RELN: variants seen among roughly 807,000 people sequenced by gnomAD.
The protein encoded by RELN is reelin.
A neutral mutation model predicts 427.6 loss-of-function variants in RELN; 108 were observed. That is an observed-to-expected ratio of 0.25 (90% CI 0.22 to 0.30). The LOEUF is 0.30. Among genes scored for constraint, RELN ranks in the 10% least tolerant of loss-of-function variants. The probability of loss-of-function intolerance (pLI) is 1.00; values close to 1 mark genes in which losing one functional copy is unlikely to be tolerated. For missense variants in RELN, 3,715 were observed against 4,302.8 expected, an observed-to-expected ratio of 0.86 and a Z score of 3.82; for synonymous variants, 1,524 against 1,513.4, an observed-to-expected ratio of 1.01 and a Z score of -0.16.
intron 63 of RELN, 200 bp from the exon 64 acceptor site, chr7:103,478,594 A>G (rs1382952270): frequency 5.3e-6 from 3 of 563,682 alleles, no homozygotes; most frequent in Non-Finnish European, 9.5e-6. Context: ...ATACTTTTCT[A>G]TGTAATGTAA....
chr7:103,973,313 A>C (rs893445451), intron 1 of RELN, among the ~76,000 whole-genome samples: 1 of 152,248 alleles, frequency 6.6e-6, no homozygotes, highest in African/African-American at 2.4e-5. Flanking sequence ...AACATAAACA[A>C]GTGAGATAAG....
chr7:103,776,462 A>G, intron 4 of RELN, 95 bp downstream of exon 4: 2 of 1,237,484 alleles, frequency 1.6e-6, no homozygotes, highest in Non-Finnish European at 2.4e-6. Flanking sequence ...CTTACGATTA[A>G]GTAATCATAA....
Position 103,539,209 on chromosome 7 carries a change from G to A in RELN, c.7049C>T (p.Thr2350Ile), listed in dbSNP as rs1311994072. 6.2e-7 allele frequency: 1 copy of A among 1,614,148 alleles called. No individual in the cohort carries two copies. The highest frequency in any genetic ancestry group is 2.2e-5 in the East Asian group (1 of 44,892). Reference protein sequence around the residue: ...GGTKMPVCGSTGDALVFIEKA... With the variant: ...GGTKMPVCGSIGDALVFIEKA... ...TTCAATGAAGACCAGGGCATCACCAGTAGAGCCACACACGGGCATCTTGGT... is the reference window on the plus strand; with the variant it reads ...TTCAATGAAGACCAGGGCATCACCAATAGAGCCACACACGGGCATCTTGGT... The change falls in exon 45 of 65, where the codon ACT becomes ATT. Residue 2350 changes from threonine (T) to isoleucine (I), a missense_variant. Transcript: ENST00000428762.
At chr7:103,785,525 A>G (rs955822131) in intron 3 of RELN, among the ~76,000 whole-genome samples, 2 of 152,152 alleles carry the variant, frequency 1.3e-5, no homozygotes, top group Non-Finnish European at 2.9e-5. Flanking sequence ...ATGGGCATCC[A>G]TTACCTCCAT....
chr7:103,741,295 C>T lies in RELN; in HGVS notation c.656+8131G>A, dbSNP rs77936674. 2.9e-3 allele frequency among the ~76,000 whole-genome samples: 436 copies of T among 152,086 alleles called. 2 individuals are homozygous for T. Among genetic ancestry groups the T allele is most frequent in the South Asian group, 0.012 (57 of 4,824 alleles). ...AGTTTACATTGACTTCTAAGGGGTT[C>T]GAGACATCTAACACCTTATTTTTCC... On this transcript the variant is annotated intron_variant, in intron 6 of 64. Coordinates refer to ENST00000428762, the MANE Select transcript of RELN (RefSeq NM_005045.4).
chr7:103,732,559 C>T (rs911823513), intron 6 of RELN, among the ~76,000 whole-genome samples: 2 of 152,020 alleles, frequency 1.3e-5, no homozygotes, highest in Non-Finnish European at 2.9e-5. Flanking sequence ...AAGGCAAGAC[C>T]GTACAGAAGG....
intron 38 of RELN, among the ~76,000 whole-genome samples, chr7:103,555,041 C>T (rs1830493710): frequency 1.3e-5 from 2 of 152,072 alleles, no homozygotes; most frequent in Admixed American, 6.6e-5. Context: ...TTCATATCTT[C>T]TATGTTGATC....
At chr7:103,647,100 T>A (rs1256528923) in intron 16 of RELN, among the ~76,000 whole-genome samples, 1 of 151,942 alleles carries the variant, frequency 6.6e-6, no homozygotes, top group African/African-American at 2.4e-5. Flanking sequence ...AAAGCCAACA[T>A]AATATGGAAT....
chr7:103,661,549 G>A (rs769959867), intron 11 of RELN, 22 bp from the exon 12 acceptor site: 1 of 1,609,802 alleles, frequency 6.2e-7, no homozygotes, highest in South Asian at 1.1e-5. Context: ...GGGGGATTAA[G>A]AGTTAGAGTT....
At chr7:103,836,237 G>A (rs1357192373) in intron 2 of RELN, among the ~76,000 whole-genome samples, 1 of 152,166 alleles carries the variant, frequency 6.6e-6, no homozygotes, top group Middle Eastern at 3.2e-3. Context: ...CAGGTTTACA[G>A]GCGTCAGCCA....
At chr7:103,795,180 G>A (rs1483589100) in intron 3 of RELN, among the ~76,000 whole-genome samples, 2 of 152,070 alleles carry the variant, frequency 1.3e-5, no homozygotes, top group African/African-American at 4.8e-5. Flanking sequence ...CATTGCTTTG[G>A]GCAAAAGAGA....
intron 41 of RELN, among the ~76,000 whole-genome samples, chr7:103,547,528 C>T (rs1408385613): frequency 6.6e-6 from 1 of 152,164 alleles, no homozygotes. Context: ...AAGTCCTGAC[C>T]TCAAGTGATC....
At chr7:103,727,468 G>C (rs1383486532) in intron 7 of RELN, among the ~76,000 whole-genome samples, 1 of 152,062 alleles carries the variant, frequency 6.6e-6, no homozygotes, top group African/African-American at 2.4e-5. Context: ...CCAAAAAAAG[G>C]CTCATTAGCC....
chr7:103,812,003 A>G (rs1792755257), intron 3 of RELN, among the ~76,000 whole-genome samples: 3 of 152,338 alleles, frequency 2.0e-5, no homozygotes, highest in African/African-American at 7.2e-5. Context: ...AGTTATTCAA[A>G]TGGCTTTGCC....
rs996638568 is a variant in RELN, at chr7:103,721,922, A to T, written c.805+1218T>A. 2.0e-5 allele frequency among the ~76,000 whole-genome samples: 3 copies of T among 152,320 alleles called. 1 individual carries two copies. Among genetic ancestry groups the T allele is most frequent in the Admixed American group, 6.5e-5 (1 of 15,288 alleles). On this transcript the variant is annotated intron_variant, in intron 8 of 64. Transcript: ENST00000428762. The stretch of plus-strand genomic sequence containing the variant: ...TGTTTTTGTAGCACCACAACTCTTT[A>T]AAAATAAAACTTTTTTTGATTATAA...
At chr7:103,523,943 CG>C in intron 46 of RELN, among the ~76,000 whole-genome samples, 1 of 152,262 alleles carries the variant, frequency 6.6e-6, no homozygotes, top group South Asian at 2.1e-4. Context: ...TCCCAAAGTG[CG>C]GGGATTACAG....
intron 2 of RELN, among the ~76,000 whole-genome samples, chr7:103,895,597 A>G (rs1038663438): frequency 1.3e-5 from 2 of 152,202 alleles, no homozygotes; most frequent in Non-Finnish European, 2.9e-5. Context: ...ATGCTACATC[A>G]TGAAAATGGT....
chr7:103,869,486 AT>A (rs1794277007), intron 2 of RELN, among the ~76,000 whole-genome samples: 1 of 152,082 alleles, frequency 6.6e-6, no homozygotes, highest in South Asian at 2.1e-4. Flanking sequence ...TTATTCAAAA[AT>A]ATCTGTAATT....
At chr7:103,495,702 T>C (rs745471008) in intron 57 of RELN, 21 bp downstream of exon 57, 2 of 1,613,504 alleles carry the variant, frequency 1.2e-6, no homozygotes, top group African/African-American at 1.3e-5. Flanking sequence ...CTTTCTGTTT[T>C]AAAGAGCCAC....
Sources: gnomAD v4.1 joint callset for allele counts (sites outside exome capture counted in the v4.1 genomes callset) on GRCh38, gnomAD v4.1.1 for gene constraint, MANE v1.5 for transcripts, NCBI Gene and HGNC (gene_info 2026-07-23, HGNC 2026-07-21) for gene names.